ADAMTS6: variants seen among roughly 807,000 people sequenced by gnomAD.
ADAMTS6 encodes the protein A disintegrin and metalloproteinase with thrombospondin motifs 6.
In ADAMTS6, 23 loss-of-function variants were observed where a neutral mutation model predicts 144.3. The ratio of observed to expected loss-of-function variants is 0.16; its 90% confidence interval spans 0.11 to 0.23. The LOEUF (loss-of-function observed/expected upper bound fraction) is 0.23, where lower values mean the gene tolerates loss of function less well. Among genes scored for constraint, ADAMTS6 ranks in the 10% least tolerant of loss-of-function variants. The pLI is 1.00. For missense variants in ADAMTS6, 999 were observed against 1,379.6 expected (o/e 0.72, Z 4.37); for synonymous variants, 444 against 457.5 (o/e 0.97, Z 0.38).
chr5:65,287,526 A>G (rs1369710168), intron 11 of ADAMTS6, among the ~76,000 whole-genome samples: 1 of 151,962 alleles, frequency 6.6e-6, no homozygotes, highest in Non-Finnish European at 1.5e-5. Context: ...TATAATAATT[A>G]TGATTTGTTT....
At chr5:65,409,546 C>G (rs1028330800) in intron 7 of ADAMTS6, among the ~76,000 whole-genome samples, 2 of 152,104 alleles carry the variant, frequency 1.3e-5, no homozygotes, top group Non-Finnish European at 2.9e-5. Flanking sequence ...CAGACAGATT[C>G]ACAGCCGAAT....
chr5:65,210,032 T>C, intron 20 of ADAMTS6: 1 of 214,974 alleles, frequency 4.7e-6, no homozygotes, highest in Non-Finnish European at 9.9e-6. Context: ...TATGATAGTT[T>C]GCACAGCATA....
chr5:65,291,371 A>G lies in ADAMTS6; in HGVS notation c.1470T>C (p.Cys490=). ...GGGAGGTTGCTCCATACTGGAAACG[A>G]CATTGCTCATCAGCATCATACACCT... ...PGQVYDADEQ[C]RFQYGATSRQ... The change falls in exon 11 of 25, where the codon TGT becomes TGC. Residue 490 remains cysteine (C), a synonymous_variant. Transcript: ENST00000381055. 1 of 1,614,036 alleles carries G rather than the reference A, an allele frequency of 6.2e-7. No homozygotes were observed. Among genetic ancestry groups the G allele is most frequent in the Non-Finnish European group, 8.5e-7 (1 of 1,179,960 alleles).
At chr5:65,402,094 T>C (rs1477431444) in intron 7 of ADAMTS6, among the ~76,000 whole-genome samples, 4 of 152,168 alleles carry the variant, frequency 2.6e-5, no homozygotes, top group Admixed American at 6.6e-5. Flanking sequence ...ATTTCAAGCA[T>C]TGCACTCTCT....
intron 14 of ADAMTS6, among the ~76,000 whole-genome samples, chr5:65,249,733 T>C (rs781037981): frequency 3.3e-5 from 5 of 152,188 alleles, no homozygotes; most frequent in Non-Finnish European, 5.9e-5. Flanking sequence ...ATAAAGTATG[T>C]TTATAAGAAT....
intron 7 of ADAMTS6, among the ~76,000 whole-genome samples, chr5:65,341,108 AAATGGATGAAGG>A (rs1163537924): frequency 4.6e-5 from 7 of 152,056 alleles, no homozygotes; most frequent in Non-Finnish European, 4.4e-5. Context: ...CCTGAATAAC[AAATGGATGAAGG>A]AATAAATTAA....
At chr5:65,162,976 C>G (rs1339792187) in intron 24 of ADAMTS6, among the ~76,000 whole-genome samples, 1 of 152,162 alleles carries the variant, frequency 6.6e-6, no homozygotes, top group African/African-American at 2.4e-5. Flanking sequence ...GTGGCATGAT[C>G]AGGGCTCACT....
At chr5:65,422,085 A>C (rs1756094009) in intron 7 of ADAMTS6, among the ~76,000 whole-genome samples, 1 of 152,222 alleles carries the variant, frequency 6.6e-6, no homozygotes, top group Admixed American at 6.5e-5. Context: ...TCCAGAATCT[A>C]CAAGGAACTC....
At chr5:65,387,566 G>C (rs1752578431) in intron 7 of ADAMTS6, among the ~76,000 whole-genome samples, 1 of 152,180 alleles carries the variant, frequency 6.6e-6, no homozygotes, top group Non-Finnish European at 1.5e-5. Context: ...CAAGACACTG[G>C]ATTGCATGAA....
At chr5:65,153,883 C>T (rs1231500491) in intron 24 of ADAMTS6, among the ~76,000 whole-genome samples, 1 of 152,140 alleles carries the variant, frequency 6.6e-6, no homozygotes, top group Non-Finnish European at 1.5e-5. Context: ...CTTCTCCCTT[C>T]ACCTGCCTAC....
chr5:65,282,541 T>C (rs1241886697), intron 11 of ADAMTS6, among the ~76,000 whole-genome samples: 1 of 152,076 alleles, frequency 6.6e-6, no homozygotes, highest in Non-Finnish European at 1.5e-5. Context: ...CTCAGCAGAA[T>C]GTGTCTTCTC....
intron 7 of ADAMTS6, among the ~76,000 whole-genome samples, chr5:65,401,992 A>C (rs1753957236): frequency 6.6e-6 from 1 of 151,966 alleles, no homozygotes; most frequent in African/African-American, 2.4e-5. Context: ...CTGGCCTCTC[A>C]TTTATTTAAC....
chr5:65,452,150 C>T lies in ADAMTS6; in HGVS notation c.910G>A (p.Val304Ile), dbSNP rs1396772517. The change falls in exon 6 of 25, where the codon GTT becomes ATT. Residue 304 changes from valine (V) to isoleucine (I), a missense_variant. Physicochemically the swap from Val to Ile is conservative, Grantham distance 29. This residue lies in a region of ADAMTS6 where 128 missense variants were observed against 249.0 expected (regional missense o/e 0.51). Transcript: ENST00000381055. ...VVNIIVARLI[V>I]LTEDQPNLEI... ...ATTCTTACCTGATCTTCTGTGAGAA[C>T]AATTAAGCGGGCCACTATAATATTC... The T allele has an allele frequency of 1.9e-6, 3 of 1,609,758 alleles. No individual in the cohort carries two copies. In the African/African-American group the frequency reaches 4.0e-5, roughly 22 times the overall value.
At chr5:65,376,728 G>A (rs1350705046) in intron 7 of ADAMTS6, among the ~76,000 whole-genome samples, 1 of 151,850 alleles carries the variant, frequency 6.6e-6, no homozygotes, top group Non-Finnish European at 1.5e-5. Flanking sequence ...CTACTTAGGA[G>A]GCTGATGTGG....
chr5:65,307,740 G>A (rs184755388), intron 9 of ADAMTS6, among the ~76,000 whole-genome samples: 1 of 152,286 alleles, frequency 6.6e-6, no homozygotes, highest in East Asian at 1.9e-4. Context: ...TTCTATTCCA[G>A]TTTTCAAGTG....
intron 7 of ADAMTS6, among the ~76,000 whole-genome samples, chr5:65,440,471 T>C (rs1328302119): frequency 6.6e-6 from 1 of 152,122 alleles, no homozygotes; most frequent in Non-Finnish European, 1.5e-5. Flanking sequence ...CAGTGGACTC[T>C]CTGAGTTGAA....
chr5:65,373,384 G>T (rs1751174407), intron 7 of ADAMTS6, among the ~76,000 whole-genome samples: 1 of 151,344 alleles, frequency 6.6e-6, no homozygotes, highest in Non-Finnish European at 1.5e-5. Context: ...GAAAAAAAGA[G>T]AGAAGAATCA....
At chr5:65,388,318 T>A (rs774201517) in intron 7 of ADAMTS6, among the ~76,000 whole-genome samples, 1 of 152,204 alleles carries the variant, frequency 6.6e-6, no homozygotes, top group Non-Finnish European at 1.5e-5. Flanking sequence ...TGTAGTCCAC[T>A]GCATCTGATG....
intron 24 of ADAMTS6, among the ~76,000 whole-genome samples, chr5:65,159,047 A>T (rs73103471): frequency 0.034 from 5,119 of 152,228 alleles, 274 homozygotes; most frequent in African/African-American, 0.12. Context: ...GTACACAGTT[A>T]CCTAAATCTG....
Sources: gnomAD v4.1 joint callset for allele counts (sites outside exome capture counted in the v4.1 genomes callset) on GRCh38, gnomAD v4.1.1 for gene constraint, gnomAD v4.1.1 regional missense constraint, MANE v1.5 for transcripts, NCBI Gene and HGNC (gene_info 2026-07-23, HGNC 2026-07-21) for gene names.